The following PRR14L variants were observed in gnomAD, a reference collection of about 807,000 sequenced individuals.
PRR14L encodes the protein protein PRR14L.
Under a neutral mutation model 155.0 loss-of-function variants are expected in PRR14L, and 80 were observed. The observed-to-expected ratio is 0.52, with a 90% CI of 0.43 to 0.62. The LOEUF (loss-of-function observed/expected upper bound fraction) is 0.62, where lower values mean the gene tolerates loss of function less well. Among genes scored for constraint, PRR14L ranks in the 20% least tolerant of loss-of-function variants. The pLI, the probability that PRR14L is intolerant of heterozygous loss-of-function variation, is 0.00. For synonymous variants in PRR14L, 883 were observed against 916.0 expected, an observed-to-expected ratio of 0.96 and a Z score of 0.65; for missense variants, 2,469 against 2,548.0, an observed-to-expected ratio of 0.97 and a Z score of 0.67.
intron 8 of PRR14L, among the ~76,000 whole-genome samples, chr22:31,686,150 G>A: frequency 6.6e-6 from 1 of 151,036 alleles, no homozygotes; most frequent in East Asian, 1.9e-4. Context: ...CCAGGCTGGA[G>A]TGCAGTGGTG....
rs1049785659 is a variant in PRR14L at position 31,729,392 on chromosome 22, T to C, written c.475-3782A>G. On this transcript the variant is annotated intron_variant, in intron 2 of 8. Transcript: ENST00000327423. Reference sequence around the variant, plus strand: ...ACGCCCGGCTAATTTTTTGTGTGTGTATTTTTAGGCGAGATGGGGTTTCAC... The same window carrying C: ...ACGCCCGGCTAATTTTTTGTGTGTGCATTTTTAGGCGAGATGGGGTTTCAC... 9.9e-5 allele frequency among the ~76,000 whole-genome samples: 15 copies of C among 152,012 alleles called. No individual in the cohort carries two copies. The South Asian group carries it at 1.9e-3, about 19-fold the overall frequency.
At chr22:31,728,335 G>A (rs1443682898) in intron 2 of PRR14L, among the ~76,000 whole-genome samples, 6 of 152,094 alleles carry the variant, frequency 3.9e-5, no homozygotes, top group African/African-American at 7.2e-5. Context: ...TCCTAGGGCC[G>A]GGGGCAGTGG....
At chr22:31,704,605 GCA>G (rs141001833) in intron 5 of PRR14L, 48 bp downstream of exon 5, 44 of 1,468,812 alleles carry the variant, frequency 3.0e-5, no homozygotes, top group East Asian at 4.6e-5. Flanking sequence ...TCTCTCTCTT[GCA>G]CACACACACG....
In PRR14L at chr22:31,682,737, CTG is replaced by C. The variant is rs1239855032; in HGVS notation, c.*2788_*2789del. ...TGATAGTTGAGTAAGCTGTAGTTAACTGTAACTTCCCACCACTTGGGGAGGGA... is the reference window on the plus strand; with the variant it reads ...TGATAGTTGAGTAAGCTGTAGTTAACTAACTTCCCACCACTTGGGGAGGGA... On this transcript the variant is annotated 3_prime_UTR_variant, in exon 9 of 9. Transcript: ENST00000327423. 2 of 152,172 alleles carry C rather than the reference CTG, an allele frequency of 1.3e-5. No homozygotes were observed. Among genetic ancestry groups the C allele is most frequent in the Non-Finnish European group, 2.9e-5 (2 of 68,034 alleles). 9.4% of individuals were successfully genotyped at this position (152,172 alleles called of 1,614,324 possible).
intron 8 of PRR14L, among the ~76,000 whole-genome samples, chr22:31,686,409 A>C (rs1181214474): frequency 4.0e-5 from 6 of 149,512 alleles, no homozygotes; most frequent in Non-Finnish European, 5.9e-5. Context: ...CCCAGCCCTG[A>C]CTCATCTTTA....
chr22:31,706,189 G>A (rs2074590002), intron 4 of PRR14L, among the ~76,000 whole-genome samples: 1 of 151,476 alleles, frequency 6.6e-6, no homozygotes, highest in Admixed American at 6.6e-5. Context: ...AAACTAGCTA[G>A]GCATGATGGC....
rs776578886 is a variant in PRR14L, at chr22:31,714,568, C to G, written c.3271G>C (p.Asp1091His). ...ARQEKLAFQEDSRSTLSRREL... is the reference protein window; with the variant it reads ...ARQEKLAFQEHSRSTLSRREL... Reference sequence around the variant, plus strand: ...CTCCGAGACAAGGTACTCCTGGAGTCCTCTTGAAATGCCAGTTTCTCTTGC... The same window carrying G: ...CTCCGAGACAAGGTACTCCTGGAGTGCTCTTGAAATGCCAGTTTCTCTTGC... The change falls in exon 4 of 9, where the codon GAC becomes CAC. Residue 1091 changes from aspartate (D) to histidine (H), a missense_variant. Asp to His is a moderately conservative substitution (Grantham distance 81). This residue lies in a region of PRR14L where 2,363 missense variants were observed against 2,371.6 expected (regional missense o/e 1.00). Transcript: ENST00000327423. 10 of 1,551,840 alleles carry G rather than the reference C, an allele frequency of 6.4e-6. No individual in the cohort carries two copies. In the East Asian group the frequency reaches 2.2e-4, roughly 34 times the overall value.
Position 31,717,002 on chromosome 22 carries a change from A to C in PRR14L, c.837T>G (p.Pro279=), listed in dbSNP as rs2074664032. 2.6e-6 allele frequency: 4 copies of C among 1,551,694 alleles called. No homozygotes were observed. Among genetic ancestry groups the C allele is most frequent in the Non-Finnish European group, 3.5e-6 (4 of 1,147,008 alleles). ...CACTGTTTCCTGGTAATGACAACCAAGGACAACTTTTTAATTCTTCACATT... is the reference window on the plus strand; with the variant it reads ...CACTGTTTCCTGGTAATGACAACCACGGACAACTTTTTAATTCTTCACATT... ...EKECEELKSC[P]WLSLPGNSAI... The change falls in exon 4 of 9, where the codon CCT becomes CCG. Residue 279 remains proline, a synonymous_variant. Transcript: ENST00000327423.
At chr22:31,723,982 T>C (rs1354228823) in intron 3 of PRR14L, among the ~76,000 whole-genome samples, 1 of 152,234 alleles carries the variant, frequency 6.6e-6, no homozygotes, top group Non-Finnish European at 1.5e-5. Flanking sequence ...CTGCTCCTCA[T>C]GCTTGCATTA....
At chr22:31,688,090 A>G (rs2074491596) in intron 8 of PRR14L, 66 bp downstream of exon 8, 2 of 1,461,884 alleles carry the variant, frequency 1.4e-6, no homozygotes, top group Non-Finnish European at 1.9e-6. Flanking sequence ...CTAAAGTGAA[A>G]GGGCTGGAGA....
chr22:31,732,159 T>C (rs896255754), intron 2 of PRR14L, among the ~76,000 whole-genome samples: 1 of 152,238 alleles, frequency 6.6e-6, no homozygotes, highest in African/African-American at 2.4e-5. Context: ...CAGATACTTC[T>C]ATATATGCTT....
chr22:31,698,521 CAA>C (rs2074546483), intron 7 of PRR14L, among the ~76,000 whole-genome samples: 2 of 143,254 alleles, frequency 1.4e-5, no homozygotes, highest in Non-Finnish European at 3.0e-5. Flanking sequence ...TTATGTAGAG[CAA>C]AACTACATCT....
intron 2 of PRR14L, among the ~76,000 whole-genome samples, chr22:31,736,017 C>T (rs905935460): frequency 4.7e-5 from 7 of 149,038 alleles, no homozygotes; most frequent in South Asian, 4.3e-4. Flanking sequence ...TGTGCCACTG[C>T]ACTCCAGCCT....
chr22:31,740,618 C>T (rs940296052), intron 1 of PRR14L, among the ~76,000 whole-genome samples: 1 of 151,984 alleles, frequency 6.6e-6, no homozygotes, highest in Non-Finnish European at 1.5e-5. Context: ...GCCTTGGCCC[C>T]GCAAAGTGCT....
Position 31,736,052 on chromosome 22 carries a change from C to CAA in PRR14L, c.474+2333_474+2334dup, listed in dbSNP as rs36027153. Among the ~76,000 whole-genome samples, 757 of 86,976 alleles carry CAA rather than the reference C, an allele frequency of 8.7e-3. 46 individuals are homozygous for CAA. The highest frequency in any genetic ancestry group is 0.033 in the African/African-American group (685 of 20,876). 57.1% of individuals were successfully genotyped at this position (86,976 alleles called of 152,430 possible). A position where few individuals can be genotyped will look rare whatever the true frequency, so the allele number is the denominator to read the frequency against. On this transcript the variant is annotated intron_variant, in intron 2 of 8. Coordinates refer to ENST00000327423, the MANE Select transcript of PRR14L (RefSeq NM_173566.3). ...TGGGCAACAGAGCAAGACTCCATCT[C>CAA]AAAAAAAAAAAAAAAAATTAGCCAA...
chr22:31,716,134 T>C lies in PRR14L; in HGVS notation c.1705A>G (p.Arg569Gly), dbSNP rs1232127413. ...GGCATTAAACTCACAATGGATTTTCTTTCAAACAGAAAATCATTACATGAT... is the reference window on the plus strand; with the variant it reads ...GGCATTAAACTCACAATGGATTTTCCTTCAAACAGAAAATCATTACATGAT... ...EASCNDFLFE[R>G]KSIVSLMPED... The change falls in exon 4 of 9, where the codon AGA becomes GGA. Residue 569 changes from arginine to glycine, a missense_variant. Transcript: ENST00000327423. 1 of 1,551,496 alleles carries C rather than the reference T, an allele frequency of 6.4e-7. No individual in the cohort carries two copies. Among genetic ancestry groups the C allele is most frequent in the Non-Finnish European group, 8.7e-7 (1 of 1,146,928 alleles).
intron 1 of PRR14L, among the ~76,000 whole-genome samples, chr22:31,745,886 T>C (rs543031562): frequency 6.0e-5 from 9 of 149,250 alleles, no homozygotes; most frequent in African/African-American, 2.2e-4. Context: ...ATAAGCCAAG[T>C]ATCACAGTGT....
chr22:31,703,590 G>T lies in PRR14L; in HGVS notation c.5960C>A (p.Ala1987Glu). The T allele has an allele frequency of 1.2e-6, 2 of 1,613,958 alleles. No individual in the cohort carries two copies. Among genetic ancestry groups the T allele is most frequent in the Admixed American group, 3.3e-5 (2 of 59,994 alleles). Reference sequence around the variant, plus strand: ...GGGGCTGCTCTGTGGGCAGGGGCATGCTGCTTTCACACCATCCAGCTCATC... The same window carrying T: ...GGGGCTGCTCTGTGGGCAGGGGCATTCTGCTTTCACACCATCCAGCTCATC... ...GLDELDGVKA[A>E]CPCPQSSPPE... Residue 1987 changes from alanine to glutamate, a missense_variant, in exon 6 of 9, where the codon GCA becomes GAA. Physicochemically the swap from Ala to Glu is moderately radical, Grantham distance 107. Transcript: ENST00000327423.
chr22:31,709,042 C>T (rs1443479772), intron 4 of PRR14L, among the ~76,000 whole-genome samples: 2 of 151,398 alleles, frequency 1.3e-5, no homozygotes, highest in East Asian at 2.0e-4. Flanking sequence ...AGGCTGGTCT[C>T]GAACTCCTGA....
Sources: gnomAD v4.1 joint callset for allele counts (sites outside exome capture counted in the v4.1 genomes callset) on GRCh38, gnomAD v4.1.1 for gene constraint, gnomAD v4.1.1 regional missense constraint, MANE v1.5 for transcripts, NCBI Gene and HGNC (gene_info 2026-07-23, HGNC 2026-07-21) for gene names.